Variants in DLG1 observed in about 807,000 individuals in gnomAD.
DLG1 encodes discs large MAGUK scaffold protein 1.
In DLG1, 42 loss-of-function variants were observed where a neutral mutation model predicts 123.4. The ratio of observed to expected loss-of-function variants is 0.34; its 90% CI spans 0.27 to 0.44. The LOEUF is 0.44. DLG1 is among the 20% of genes least tolerant of loss of function. The pLI, the probability that DLG1 is intolerant of heterozygous loss-of-function variation, is 1.00. For synonymous variants in DLG1, 317 were observed against 356.2 expected, an observed-to-expected ratio of 0.89 and a Z score of 1.24; for missense variants, 942 against 1,082.6, an observed-to-expected ratio of 0.87 and a Z score of 1.82.
intron 11 of DLG1, among the ~76,000 whole-genome samples, chr3:197,120,275 AAAAAAAAAAAAAAAAAGC>A (rs1046429841): frequency 7.8e-5 from 1 of 12,902 alleles, no homozygotes; most frequent in Non-Finnish European, 1.6e-4. Flanking sequence ...TCGAGAAAGA[AAAAAAAAAAAAAAAAAGC>A]AAAAACCAAA....
intron 24 of DLG1, among the ~76,000 whole-genome samples, chr3:197,046,323 T>C (rs1723025654): frequency 6.6e-6 from 1 of 152,028 alleles, no homozygotes; most frequent in Non-Finnish European, 1.5e-5. Context: ...ACATTTTGCT[T>C]ACTTTGTAAA....
intron 11 of DLG1, among the ~76,000 whole-genome samples, chr3:197,128,036 G>A (rs948640672): frequency 6.6e-6 from 1 of 152,096 alleles, no homozygotes; most frequent in African/African-American, 2.4e-5. Flanking sequence ...GAAGGGTGGG[G>A]TGCCTGTGTT....
At chr3:197,164,171 C>T (rs1181086206) in intron 5 of DLG1, among the ~76,000 whole-genome samples, 3 of 151,580 alleles carry the variant, frequency 2.0e-5, no homozygotes, top group South Asian at 2.1e-4. Flanking sequence ...GCGGGTGGAT[C>T]GCGAGGTCAA....
chr3:197,137,733 G>A (rs545546141), intron 9 of DLG1, among the ~76,000 whole-genome samples: 1 of 152,252 alleles, frequency 6.6e-6, no homozygotes, highest in Admixed American at 6.5e-5. Flanking sequence ...ACTCTGCGGG[G>A]CTGAGGTGGG....
At chr3:197,139,595 A>G (rs1056585486) in intron 8 of DLG1, among the ~76,000 whole-genome samples, 3 of 152,224 alleles carry the variant, frequency 2.0e-5, no homozygotes, top group Non-Finnish European at 4.4e-5. Flanking sequence ...CTAAATTTAA[A>G]CAGAGACAAA....
At chr3:197,282,873 A>C in intron 3 of DLG1, 28 bp from the exon 4 acceptor site, 1 of 1,365,530 alleles carries the variant, frequency 7.3e-7, no homozygotes, top group Admixed American at 2.2e-5. Flanking sequence ...AAAATTCATA[A>C]GTATTTATAT....
intron 4 of DLG1, among the ~76,000 whole-genome samples, chr3:197,245,903 G>A (rs1044264374): frequency 4.2e-5 from 6 of 142,034 alleles, no homozygotes; most frequent in African/African-American, 7.8e-5. Context: ...TTTTTTTTGG[G>A]GGGGGGGGAG....
intron 4 of DLG1, among the ~76,000 whole-genome samples, chr3:197,242,622 A>C (rs1749532829): frequency 6.6e-6 from 1 of 152,106 alleles, no homozygotes; most frequent in South Asian, 2.1e-4. Flanking sequence ...AATACATATC[A>C]ATAAAAAGAA....
intron 5 of DLG1, among the ~76,000 whole-genome samples, chr3:197,194,122 TA>T (rs1721143479): frequency 6.6e-6 from 1 of 152,142 alleles, no homozygotes; most frequent in Non-Finnish European, 1.5e-5. Context: ...AACTAATATT[TA>T]AAAACAAGTG....
intron 6 of DLG1, among the ~76,000 whole-genome samples, chr3:197,147,844 A>C (rs1210841501): frequency 1.3e-5 from 2 of 150,794 alleles, no homozygotes; most frequent in Non-Finnish European, 2.9e-5. Flanking sequence ...AAAACAAAAA[A>C]TAAAATCCTG....
At chr3:197,214,966 G>C (rs187160947) in intron 4 of DLG1, among the ~76,000 whole-genome samples, 1 of 152,228 alleles carries the variant, frequency 6.6e-6, no homozygotes, top group Admixed American at 6.5e-5. Flanking sequence ...TTTTGATGAA[G>C]GTGTGGGAAA....
At chr3:197,213,933 C>A (rs1014328260) in intron 4 of DLG1, among the ~76,000 whole-genome samples, 1 of 152,130 alleles carries the variant, frequency 6.6e-6, no homozygotes, top group Admixed American at 6.5e-5. Flanking sequence ...TGAGAGGCAA[C>A]TGGCTCTATC....
At chr3:197,194,647 C>A (rs912966352) in intron 4 of DLG1, 58 bp from the exon 5 acceptor site, 2 of 1,287,790 alleles carry the variant, frequency 1.6e-6, no homozygotes, top group African/African-American at 1.5e-5. Context: ...TAATTCAAAT[C>A]ATGGTTTTCA....
chr3:197,172,916 T>A (rs1237767329), intron 5 of DLG1, among the ~76,000 whole-genome samples: 2 of 152,198 alleles, frequency 1.3e-5, no homozygotes, highest in Non-Finnish European at 2.9e-5. Flanking sequence ...TCAAACTGCA[T>A]TAGGAAGTAC....
chr3:197,206,262 A>G (rs1221194674), intron 4 of DLG1, among the ~76,000 whole-genome samples: 1 of 152,176 alleles, frequency 6.6e-6, no homozygotes, highest in Non-Finnish European at 1.5e-5. Context: ...AAATCAGTAT[A>G]TACTCTTGAT....
At chr3:197,284,321 C>T (rs1001260609) in intron 3 of DLG1, among the ~76,000 whole-genome samples, 4 of 152,092 alleles carry the variant, frequency 2.6e-5, no homozygotes, top group Non-Finnish European at 4.4e-5. Context: ...TATGCATACA[C>T]GCAAACACAC....
chr3:197,061,393 C>CT (rs1363070575), intron 22 of DLG1, among the ~76,000 whole-genome samples: 34 of 152,188 alleles, frequency 2.2e-4, no homozygotes, highest in African/African-American at 7.9e-4. Context: ...CATAATGCTC[C>CT]TTCACCTCGT....
intron 18 of DLG1, chr3:197,070,287 A>C (rs1435266753): frequency 6.7e-6 from 1 of 149,432 alleles, no homozygotes; most frequent in Non-Finnish European, 1.5e-5. Context: ...TCTGTTGCTC[A>C]GGTGGGAGTG....
intron 1 of DLG1, chr3:197,297,663 T>TTTCTCCTTG (rs1234175300): frequency 3.3e-5 from 33 of 991,312 alleles, no homozygotes; most frequent in Non-Finnish European, 4.0e-5. Flanking sequence ...GGCCCCCTCC[T>TTTCTCCTTG]CTCGCTTGCC....
Sources: allele counts gnomAD v4.1 joint callset (sites outside exome capture counted in the v4.1 genomes callset), GRCh38; gene constraint gnomAD v4.1.1; transcripts MANE v1.5; gene names NCBI Gene and HGNC (gene_info 2026-07-23, HGNC 2026-07-21).